Variants in PTPN12 observed in about 807,000 individuals in gnomAD.
PTPN12 encodes the protein tyrosine-protein phosphatase non-receptor type 12.
In PTPN12, 29 loss-of-function variants were observed where a neutral mutation model predicts 97.6. The ratio of observed to expected loss-of-function variants is 0.30; its 90% CI spans 0.22 to 0.41. The LOEUF is 0.41. Among genes scored for constraint, PTPN12 ranks in the 10% least tolerant of loss-of-function variants. The probability of loss-of-function intolerance (pLI) is 1.00; values close to 1 mark genes in which losing one functional copy is unlikely to be tolerated. For missense variants in PTPN12, 819 were observed against 926.0 expected (o/e 0.88, Z 1.50); for synonymous variants, 327 against 300.4 (o/e 1.09, Z -0.91).
intron 7 of PTPN12, among the ~76,000 whole-genome samples, chr7:77,599,014 G>A (rs1368877334): frequency 6.6e-6 from 1 of 150,956 alleles, no homozygotes; most frequent in South Asian, 2.1e-4. Context: ...ATGAAATTTG[G>A]TAATTTTTTA....
chr7:77,565,304 T>C (rs1221523782), intron 1 of PTPN12, among the ~76,000 whole-genome samples: 1 of 152,256 alleles, frequency 6.6e-6, no homozygotes, highest in Non-Finnish European at 1.5e-5. Context: ...CTTGTCTGTC[T>C]AAATGTATTT....
At chr7:77,637,857 C>CAAAA (rs754983873) in intron 16 of PTPN12, among the ~76,000 whole-genome samples, 1,442 of 55,570 alleles carry the variant, frequency 0.026, 182 homozygotes, top group East Asian at 0.072. Flanking sequence ...AACTCCGTCT[C>CAAAA]AAAAAAAAAA....
intron 5 of PTPN12, among the ~76,000 whole-genome samples, chr7:77,588,524 T>C (rs1387125377): frequency 1.3e-5 from 2 of 152,058 alleles, no homozygotes; most frequent in East Asian, 3.9e-4. Context: ...AATGAAAAAG[T>C]TTGGAATACT....
intron 3 of PTPN12, 88 bp downstream of exon 3, chr7:77,581,591 C>G (rs1787517706): frequency 3.1e-6 from 2 of 651,686 alleles, no homozygotes; most frequent in South Asian, 5.2e-5. Flanking sequence ...ATTGCTCAAA[C>G]ATGATACCAA....
intron 1 of PTPN12, among the ~76,000 whole-genome samples, chr7:77,546,147 G>C (rs1807211883): frequency 6.6e-6 from 1 of 151,898 alleles, no homozygotes; most frequent in South Asian, 2.1e-4. Context: ...GGCCAGGATG[G>C]TCTCCCCTTT....
At chr7:77,570,781 G>A (rs572489522) in intron 1 of PTPN12, among the ~76,000 whole-genome samples, 32 of 152,256 alleles carry the variant, frequency 2.1e-4, no homozygotes, top group Non-Finnish European at 2.8e-4. Context: ...GAAATTACTC[G>A]AATATGTTAA....
chr7:77,608,976 T>C (rs917933715), intron 9 of PTPN12, among the ~76,000 whole-genome samples: 1 of 152,178 alleles, frequency 6.6e-6, no homozygotes, highest in Non-Finnish European at 1.5e-5. Flanking sequence ...TTCCAGCACT[T>C]TTGAAGGCTG....
intron 1 of PTPN12, among the ~76,000 whole-genome samples, chr7:77,554,432 C>CA (rs1262404514): frequency 1.1e-4 from 16 of 152,300 alleles, no homozygotes; most frequent in African/African-American, 3.8e-4. Context: ...GGCATTATCT[C>CA]ACTTACAAAT....
chr7:77,633,346 A>G (rs1447033956), intron 14 of PTPN12, among the ~76,000 whole-genome samples: 2 of 152,122 alleles, frequency 1.3e-5, no homozygotes, highest in Non-Finnish European at 2.9e-5. Flanking sequence ...TTATTGACTC[A>G]TGCCTGTAAT....
chr7:77,630,935 C>T (rs781290176), intron 13 of PTPN12, among the ~76,000 whole-genome samples: 3 of 152,078 alleles, frequency 2.0e-5, no homozygotes, highest in Non-Finnish European at 4.4e-5. Flanking sequence ...GCAAGGGCCA[C>T]GCTTAGAAAA....
At chr7:77,613,982 C>T (rs1188809925) in intron 11 of PTPN12, among the ~76,000 whole-genome samples, 2 of 152,192 alleles carry the variant, frequency 1.3e-5, no homozygotes, top group African/African-American at 4.8e-5. Flanking sequence ...CCCTCAACCT[C>T]CCGGACTCAA....
Position 77,537,402 on chromosome 7 carries a change from GGGA to G in PTPN12, c.-136_-134del. ...GCCGCAGCCGCCGCCTAGGGCGGTG[GGGA>G]GGAGGAGGGAGCCGCGGGGCTTGGC... On this transcript the variant is annotated 5_prime_UTR_variant, in exon 1 of 18. Coordinates refer to ENST00000248594, the MANE Select transcript of PTPN12 (RefSeq NM_002835.4). 1 of 1,220,088 alleles carries G rather than the reference GGGA, an allele frequency of 8.2e-7. No individual in the cohort carries two copies. The highest frequency in any genetic ancestry group is 1.1e-6 in the Non-Finnish European group (1 of 929,480). 75.6% of individuals were successfully genotyped at this position (1,220,088 alleles called of 1,614,324 possible).
At chr7:77,563,794 G>A (rs1298165399) in intron 1 of PTPN12, 2 of 220,940 alleles carry the variant, frequency 9.1e-6, no homozygotes, top group Non-Finnish European at 2.0e-5. Flanking sequence ...GCAAAGATAG[G>A]AAGATGAATT....
chr7:77,610,408 A>G (rs1788531425), intron 9 of PTPN12, among the ~76,000 whole-genome samples: 1 of 152,228 alleles, frequency 6.6e-6, no homozygotes, highest in Admixed American at 6.5e-5. Flanking sequence ...CATAGATTAT[A>G]CATTGAATCT....
Position 77,598,246 on chromosome 7 carries a change from A to G in PTPN12, c.552+345A>G, listed in dbSNP as rs367731432. Among the ~76,000 whole-genome samples, 7 of 152,060 alleles carry G rather than the reference A, an allele frequency of 4.6e-5. No homozygotes were observed. The East Asian group carries it at 7.8e-4, about 17-fold the overall frequency. ...ATAGAGAATAGTTTTCAAAGAGAAG[A>G]CATAGAGAGGGAGGGGAGCGTGGGC... On this transcript the variant is annotated intron_variant, in intron 7 of 17. Transcript: ENST00000248594.
intron 1 of PTPN12, among the ~76,000 whole-genome samples, chr7:77,563,357 A>G (rs1173308781): frequency 6.6e-6 from 1 of 152,238 alleles, no homozygotes; most frequent in African/African-American, 2.4e-5. Flanking sequence ...GATACGGTCT[A>G]AATCAGGGAA....
intron 9 of PTPN12, among the ~76,000 whole-genome samples, chr7:77,608,738 C>T (rs917915121): frequency 2.0e-5 from 3 of 151,974 alleles, no homozygotes; most frequent in Non-Finnish European, 2.9e-5. Flanking sequence ...TTAAAAAGCC[C>T]TCTGGGGTTA....
chr7:77,579,929 G>C (rs1293500786), intron 2 of PTPN12, among the ~76,000 whole-genome samples: 1 of 152,192 alleles, frequency 6.6e-6, no homozygotes, highest in Admixed American at 6.5e-5. Flanking sequence ...GAAAAGTTTG[G>C]TAATACCCAG....
chr7:77,572,954 G>A (rs1316609494), intron 2 of PTPN12, among the ~76,000 whole-genome samples: 4 of 151,648 alleles, frequency 2.6e-5, no homozygotes, highest in Non-Finnish European at 4.4e-5. Context: ...GTGGTGGCAC[G>A]TGCCTGTAAT....
Sources: allele counts gnomAD v4.1 joint callset (sites outside exome capture counted in the v4.1 genomes callset), GRCh38; gene constraint gnomAD v4.1.1; transcripts MANE v1.5; gene names NCBI Gene and HGNC (gene_info 2026-07-23, HGNC 2026-07-21).